Variants in MINDY4 observed in about 807,000 individuals in gnomAD.
MINDY4 encodes probable ubiquitin carboxyl-terminal hydrolase MINDY-4.
Under a neutral mutation model 87.0 loss-of-function variants are expected in MINDY4, and 68 were observed. The observed-to-expected ratio is 0.78, with a 90% CI of 0.64 to 0.96. The LOEUF (loss-of-function observed/expected upper bound fraction) is 0.96, where lower values mean the gene tolerates loss of function less well. Ranked by LOEUF, MINDY4 falls within the 40% of genes least tolerant of loss-of-function variation. The pLI is 0.00. For missense variants in MINDY4, 919 were observed against 928.2 expected (o/e 0.99, Z 0.13); for synonymous variants, 379 against 363.2 (o/e 1.04, Z -0.50).
rs561526056 is a variant in MINDY4 at position 30,859,267 on chromosome 7, G to A, written c.1688G>A (p.Gly563Asp). The A allele has an allele frequency of 5.6e-6, 9 of 1,614,116 alleles. 1 individual carries two copies. In the South Asian group the frequency reaches 9.9e-5, roughly 18 times the overall value. Reference protein sequence around the residue: ...LQQSIHQFEVGPYGCILLTLS... With the variant: ...LQQSIHQFEVDPYGCILLTLS... ...CTCTCCCCCTCCCAGTTTGAAGTGGGCCCCTATGGCTGCATCCTGCTCACC... is the reference window on the plus strand; with the variant it reads ...CTCTCCCCCTCCCAGTTTGAAGTGGACCCCTATGGCTGCATCCTGCTCACC... Residue 563 changes from glycine to aspartate, a missense_variant, in exon 13 of 18, where the codon GGC becomes GAC. Gly to Asp is a moderately conservative substitution (Grantham distance 94). Coordinates refer to ENST00000265299, the MANE Select transcript of MINDY4 (RefSeq NM_032222.3).
chr7:30,804,997 G>A (rs938361858), intron 5 of MINDY4, among the ~76,000 whole-genome samples: 1 of 152,230 alleles, frequency 6.6e-6, no homozygotes, highest in African/African-American at 2.4e-5. Context: ...CTGCAGGCCC[G>A]ACAGGTGCCC....
chr7:30,852,803 C>G (rs1232656729), intron 11 of MINDY4, among the ~76,000 whole-genome samples: 1 of 152,220 alleles, frequency 6.6e-6, no homozygotes, highest in Non-Finnish European at 1.5e-5. Context: ...CTACCTCTTG[C>G]CAACCTCTTC....
At chr7:30,877,380 T>G (rs530293414) in intron 15 of MINDY4, among the ~76,000 whole-genome samples, 7 of 152,278 alleles carry the variant, frequency 4.6e-5, no homozygotes, top group Admixed American at 3.3e-4. Flanking sequence ...ATCCTTCCCT[T>G]GTAATAAAAT....
At position 30,863,187 on chromosome 7, in the gene MINDY4, A is replaced by G. The variant is rs986373754; in HGVS notation, c.1745+3863A>G. On this transcript the variant is annotated intron_variant, in intron 13 of 17. Transcript: ENST00000265299. ...GAATCCTCTGATGCCATTTCAGGGC[A>G]ATCTGTTACCACTTTGGGCAATTGA... Among the ~76,000 whole-genome samples the G allele has an allele frequency of 2.6e-5, 4 of 152,360 alleles. No individual in the cohort carries two copies. In the East Asian group the frequency reaches 7.7e-4, roughly 29 times the overall value.
intron 1 of MINDY4, among the ~76,000 whole-genome samples, chr7:30,772,004 G>A (rs900586421): frequency 4.6e-5 from 7 of 152,276 alleles, no homozygotes; most frequent in African/African-American, 9.6e-5. Context: ...AGTTCTTGAC[G>A]GTCAAACCCT....
intron 9 of MINDY4, among the ~76,000 whole-genome samples, chr7:30,847,836 C>A (rs1789272876): frequency 6.6e-6 from 1 of 152,150 alleles, no homozygotes; most frequent in Non-Finnish European, 1.5e-5. Flanking sequence ...AACTCCTGGG[C>A]TCAAGCAATC....
At chr7:30,811,910 C>T (rs1788011748) in intron 5 of MINDY4, among the ~76,000 whole-genome samples, 1 of 152,162 alleles carries the variant, frequency 6.6e-6, no homozygotes, top group Non-Finnish European at 1.5e-5. Context: ...TGCCAAAGCT[C>T]CTGGCCGAAT....
chr7:30,849,227 C>T (rs2128570391), intron 9 of MINDY4, among the ~76,000 whole-genome samples: 1 of 152,276 alleles, frequency 6.6e-6, no homozygotes, highest in Middle Eastern at 3.4e-3. Flanking sequence ...ATTCTTCCTC[C>T]CCAGCACAGT....
At chr7:30,849,402 C>A (rs1373348654) in intron 9 of MINDY4, among the ~76,000 whole-genome samples, 1 of 152,170 alleles carries the variant, frequency 6.6e-6, no homozygotes, top group African/African-American at 2.4e-5. Context: ...CCAAGAGAAG[C>A]CTAGAAGTAC....
rs182707088 is a variant in MINDY4, at chr7:30,802,004, A to G, written c.1073+10430A>G. Among the ~76,000 whole-genome samples the G allele has an allele frequency of 4.0e-5, 6 of 151,034 alleles. No homozygotes were observed. In the East Asian group the frequency reaches 1.2e-3, roughly 29 times the overall value. On this transcript the variant is annotated intron_variant, in intron 5 of 17. Coordinates refer to ENST00000265299, the MANE Select transcript of MINDY4 (RefSeq NM_032222.3). ...GGGATACAGGCTGGGAAGATGTTCC[A>G]TGCAGGAGAAGTAGCAGCTGTTAGA... is the stretch of plus-strand genomic sequence containing the variant.
intron 13 of MINDY4, among the ~76,000 whole-genome samples, chr7:30,861,288 C>T (rs898724321): frequency 4.6e-5 from 7 of 152,210 alleles, no homozygotes; most frequent in Non-Finnish European, 7.3e-5. Flanking sequence ...TCATTGCCAG[C>T]GGTAAGGATA....
At chr7:30,884,167 A>G (rs1790559942) in intron 17 of MINDY4, among the ~76,000 whole-genome samples, 1 of 152,116 alleles carries the variant, frequency 6.6e-6, no homozygotes, top group Non-Finnish European at 1.5e-5. Flanking sequence ...CTTAGGGTTG[A>G]TGCCCACCAC....
Position 30,852,221 on chromosome 7 carries a change from C to G in MINDY4, c.1553C>G (p.Ser518Trp). 2 of 1,614,118 alleles carry G rather than the reference C, an allele frequency of 1.2e-6. No homozygotes were observed. The highest frequency in any genetic ancestry group is 1.7e-6 in the Non-Finnish European group (2 of 1,180,016). The change falls in exon 11 of 18, where the codon TCG (serine) becomes TGG (tryptophan). Residue 518 changes from serine to tryptophan, a missense_variant. Physicochemically the swap from Ser to Trp is radical, Grantham distance 177. Transcript: ENST00000265299. ...CACCTTCCTTTCCTTTTTAGGGCTT[C>G]GAGAACACAGCAGTTCAGTCCAACA... ...GRERAVVALA[S>W]RTQQFSPTGK...
intron 17 of MINDY4, among the ~76,000 whole-genome samples, chr7:30,888,120 G>A (rs1455696925): frequency 6.6e-6 from 1 of 152,170 alleles, no homozygotes; most frequent in Admixed American, 6.5e-5. Flanking sequence ...GTCCATCAAC[G>A]TTGAAAAGCA....
At chr7:30,810,010 TA>T (rs1705719710) in intron 5 of MINDY4, among the ~76,000 whole-genome samples, 1 of 151,598 alleles carries the variant, frequency 6.6e-6, no homozygotes, top group Non-Finnish European at 1.5e-5. Context: ...ACCCTGCCTC[TA>T]CTAAAAATAC....
intron 6 of MINDY4, among the ~76,000 whole-genome samples, chr7:30,833,891 A>G (rs1488518319): frequency 6.6e-6 from 1 of 152,266 alleles, no homozygotes; most frequent in Non-Finnish European, 1.5e-5. Flanking sequence ...CTTTGACTCC[A>G]TGTCTCACAT....
At chr7:30,776,281 A>ATGCAGCTCTAGATGCACTGGCCTTT (rs1266652920) in intron 1 of MINDY4, among the ~76,000 whole-genome samples, 2 of 152,086 alleles carry the variant, frequency 1.3e-5, no homozygotes, top group East Asian at 3.9e-4. Context: ...TTCCCCTGCC[A>ATGCAGCTCTAGATGCACTGGCCTTT]TGCAGCTCTA....
At chr7:30,811,820 G>A (rs1244361908) in intron 5 of MINDY4, among the ~76,000 whole-genome samples, 4 of 152,218 alleles carry the variant, frequency 2.6e-5, no homozygotes, top group Admixed American at 1.3e-4. Flanking sequence ...CCTCTCATGC[G>A]GACTCCCTTA....
chr7:30,837,306 G>A (rs1212358533), intron 7 of MINDY4, among the ~76,000 whole-genome samples: 1 of 152,048 alleles, frequency 6.6e-6, no homozygotes, highest in Non-Finnish European at 1.5e-5. Flanking sequence ...CGGCTACCAG[G>A]GTGGCCTCAC....
Sources: gnomAD v4.1 joint callset for allele counts (sites outside exome capture counted in the v4.1 genomes callset) on GRCh38, gnomAD v4.1.1 for gene constraint, MANE v1.5 for transcripts, NCBI Gene and HGNC (gene_info 2026-07-23, HGNC 2026-07-21) for gene names.